The following COL4A6 variants were observed in gnomAD, a reference collection of about 807,000 sequenced individuals.
The protein encoded by COL4A6 is collagen alpha-6(IV) chain.
Under a neutral mutation model 126.7 loss-of-function variants are expected in COL4A6, and 59 were observed. That is an observed-to-expected ratio of 0.47 (90% CI 0.38 to 0.58). The LOEUF (loss-of-function observed/expected upper bound fraction) is 0.58, where lower values mean the gene tolerates loss of function less well. COL4A6 is among the 20% of genes least tolerant of loss of function. COL4A6 has a pLI of 0.00. For synonymous variants in COL4A6, 547 were observed against 496.6 expected (o/e 1.10, Z -1.35); for missense variants, 1,285 against 1,337.3 (o/e 0.96, Z 0.61).
At chrX:108,228,904 G>A (rs2036237729) in intron 3 of COL4A6, among the ~76,000 whole-genome samples, 1 of 112,310 alleles carries the variant, frequency 8.9e-6, no homozygotes, top group Non-Finnish European at 1.9e-5. Context: ...TATACCACAA[G>A]TCCAAGAGGA....
At chrX:108,179,133 G>T (rs1383930654) in intron 26 of COL4A6, 84 bp downstream of exon 26, 1 of 901,442 alleles carries the variant, frequency 1.1e-6, no homozygotes, top group Non-Finnish European at 1.6e-6. Context: ...CATCACCCCA[G>T]ATTCATGCAA....
At chrX:108,311,109 T>C (rs1429599218) in intron 2 of COL4A6, among the ~76,000 whole-genome samples, 2 of 112,231 alleles carry the variant, frequency 1.8e-5, no homozygotes, top group African/African-American at 6.5e-5. Flanking sequence ...ATATCTTTAC[T>C]TGGGGGCTGG....
chrX:108,206,458 A>G (rs2035546795), intron 9 of COL4A6, 60 bp downstream of exon 9: 3 of 1,096,658 alleles, frequency 2.7e-6, no homozygotes, highest in Non-Finnish European at 3.8e-6. Flanking sequence ...AATCCATAGT[A>G]TGTAGGGAAA....
At chrX:108,282,192 C>T (rs1239502195) in intron 3 of COL4A6, among the ~76,000 whole-genome samples, 1 of 97,916 alleles carries the variant, frequency 1.0e-5, no homozygotes, top group Non-Finnish European at 2.1e-5. Flanking sequence ...AAGAAAATAC[C>T]ATCAGAGTGC....
intron 2 of COL4A6, among the ~76,000 whole-genome samples, chrX:108,343,163 A>AGTGTG (rs1417437971): frequency 6.6e-3 from 214 of 32,434 alleles, no homozygotes; most frequent in African/African-American, 0.013. Flanking sequence ...ATATATATAT[A>AGTGTG]TAGTGTGTGT....
At chrX:108,279,208 A>G (rs2037719788) in intron 3 of COL4A6, among the ~76,000 whole-genome samples, 1 of 111,364 alleles carries the variant, frequency 9.0e-6, no homozygotes, top group South Asian at 3.9e-4. Context: ...AAGTTGGATA[A>G]AGAGCCAAGA....
intron 2 of COL4A6, among the ~76,000 whole-genome samples, chrX:108,424,168 C>T (rs765109873): frequency 2.7e-5 from 3 of 111,876 alleles, no homozygotes; most frequent in South Asian, 7.5e-4. Flanking sequence ...CTGCTCATTG[C>T]TTACCAATGA....
chrX:108,311,542 G>C (rs1262728494), intron 2 of COL4A6, among the ~76,000 whole-genome samples: 1 of 111,206 alleles, frequency 9.0e-6, no homozygotes, highest in Non-Finnish European at 1.9e-5. Flanking sequence ...TCACACAGGA[G>C]GGCGTTCATT....
At chrX:108,307,783 T>C (rs1185836640) in intron 3 of COL4A6, among the ~76,000 whole-genome samples, 1 of 111,750 alleles carries the variant, frequency 8.9e-6, no homozygotes, top group African/African-American at 3.3e-5. Flanking sequence ...TGAGAGGCTG[T>C]CCTGCAGGGT....
At chrX:108,304,688 A>AATATGCAAGTCCCTTGCATAT in intron 3 of COL4A6, among the ~76,000 whole-genome samples, 1 of 112,013 alleles carries the variant, frequency 8.9e-6, no homozygotes, top group South Asian at 3.7e-4. Context: ...ATTATTAGGT[A>AATATGCAAGTCCCTTGCATAT]TAGAGTAAGA....
chrX:108,265,954 A>G (rs146993111), intron 3 of COL4A6, among the ~76,000 whole-genome samples: 427 of 111,698 alleles, frequency 3.8e-3, no homozygotes, highest in African/African-American at 0.013. Flanking sequence ...ACAGTAAATA[A>G]TAAGGGATAT....
chrX:108,268,430 G>C (rs1356507659), intron 3 of COL4A6: 1 of 112,317 alleles, frequency 8.9e-6, no homozygotes, highest in African/African-American at 3.2e-5. Flanking sequence ...GATGTATTAT[G>C]CCCATTTTGT....
chrX:108,383,001 T>TAATAAAAATAATAAA (rs1556300855), intron 2 of COL4A6, among the ~76,000 whole-genome samples: 1 of 103,950 alleles, frequency 9.6e-6, no homozygotes, highest in African/African-American at 3.5e-5. Context: ...ATAATAATAA[T>TAATAAAAATAATAAA]AAACCCTTTT....
At chrX:108,291,105 T>A (rs1225408655) in intron 3 of COL4A6, among the ~76,000 whole-genome samples, 2 of 111,960 alleles carry the variant, frequency 1.8e-5, no homozygotes, top group Non-Finnish European at 3.8e-5. Flanking sequence ...ATTCACAGAA[T>A]CAACCTAGGC....
intron 37 of COL4A6, among the ~76,000 whole-genome samples, chrX:108,165,765 C>A (rs974508217): frequency 8.0e-5 from 9 of 112,278 alleles, no homozygotes; most frequent in African/African-American, 2.9e-4. Context: ...TATTTTAGGC[C>A]AACTTCCCCC....
At chrX:108,307,360 T>C (rs1023860205) in intron 3 of COL4A6, among the ~76,000 whole-genome samples, 1 of 111,965 alleles carries the variant, frequency 8.9e-6, no homozygotes, top group Admixed American at 9.5e-5. Flanking sequence ...GTTGCATACA[T>C]ACAGGATTAC....
intron 3 of COL4A6, among the ~76,000 whole-genome samples, chrX:108,263,730 C>T (rs1299183514): frequency 1.8e-5 from 2 of 111,760 alleles, no homozygotes; most frequent in Non-Finnish European, 3.8e-5. Context: ...ATCTCACCTC[C>T]AGATAATTTA....
chrX:108,302,607 T>C (rs2038517706), intron 3 of COL4A6, among the ~76,000 whole-genome samples: 1 of 111,043 alleles, frequency 9.0e-6, no homozygotes, highest in Non-Finnish European at 1.9e-5. Context: ...TGTAGTTAGA[T>C]AATATCCATA....
chrX:108,388,486 T>C (rs764507302), intron 2 of COL4A6, among the ~76,000 whole-genome samples: 1 of 112,236 alleles, frequency 8.9e-6, no homozygotes, highest in Admixed American at 9.4e-5. Flanking sequence ...CTTCTAGATT[T>C]TCTAGTTTAT....
Sources: allele counts gnomAD v4.1 joint callset (sites outside exome capture counted in the v4.1 genomes callset), GRCh38; gene constraint gnomAD v4.1.1; transcripts MANE v1.5; gene names NCBI Gene and HGNC (gene_info 2026-07-23, HGNC 2026-07-21).